The following ALLC variants were observed in gnomAD, a reference collection of about 807,000 sequenced individuals.
ALLC encodes probable inactive allantoicase.
Under a neutral mutation model 45.0 loss-of-function variants are expected in ALLC, and 40 were observed. The observed-to-expected ratio is 0.89, with a 90% CI of 0.69 to 1.16. ALLC has a LOEUF of 1.16. ALLC is among the 50% of genes most tolerant of loss of function. The probability of loss-of-function intolerance (pLI) is 0.00; values close to 1 mark genes in which losing one functional copy is unlikely to be tolerated. For missense variants in ALLC, 488 were observed against 493.1 expected (o/e 0.99, Z 0.10); for synonymous variants, 176 against 178.1 (o/e 0.99, Z 0.09).
chr2:3,667,507 T>C (rs190850674), intron 1 of ALLC, among the ~76,000 whole-genome samples: 2 of 152,370 alleles, frequency 1.3e-5, no homozygotes, highest in African/African-American at 4.8e-5. Context: ...GTTGGCCATA[T>C]GGTTCACTTT....
intron 1 of ALLC, among the ~76,000 whole-genome samples, chr2:3,660,610 G>A (rs1316217744): frequency 6.6e-6 from 1 of 151,988 alleles, no homozygotes; most frequent in African/African-American, 2.4e-5. Flanking sequence ...GAGCAATGGC[G>A]CACACCTGGA....
chr2:3,651,753 A>AG, the ALLC span, among the ~76,000 whole-genome samples: 2 of 152,020 alleles, frequency 1.3e-5, no homozygotes, highest in Admixed American at 1.3e-4. Context: ...GCGTTTCTTC[A>AG]GGGGCAGGAC....
At chr2:3,692,806 A>T (rs1667558127) in intron 7 of ALLC, among the ~76,000 whole-genome samples, 1 of 152,130 alleles carries the variant, frequency 6.6e-6, no homozygotes, top group Non-Finnish European at 1.5e-5. Context: ...CTCAGTGTGA[A>T]GCCTCCACCT....
chr2:3,658,200 A>G lies in ALLC; in HGVS notation c.-157A>G, dbSNP rs1666485396. On this transcript the variant is annotated 5_prime_UTR_variant, in exon 1 of 12. Coordinates refer to ENST00000252505, the MANE Select transcript of ALLC (RefSeq NM_018436.4). Reference sequence around the variant, plus strand: ...CTGTCTCTACCTCAGGCCCCTATACATTCTCTCTGAGCTGGCACTCAAGCA... The same window carrying G: ...CTGTCTCTACCTCAGGCCCCTATACGTTCTCTCTGAGCTGGCACTCAAGCA... The G allele has an allele frequency of 6.6e-6, 1 of 152,246 alleles. No homozygotes were observed. Among genetic ancestry groups the G allele is most frequent in the Non-Finnish European group, 1.5e-5 (1 of 68,084 alleles). 9.4% of individuals were successfully genotyped at this position (152,246 alleles called of 1,614,324 possible). A position where few individuals can be genotyped will look rare whatever the true frequency, so the allele number is the denominator to read the frequency against.
chr2:3,650,229 G>A, the ALLC span, among the ~76,000 whole-genome samples: 1 of 152,218 alleles, frequency 6.6e-6, no homozygotes, highest in Non-Finnish European at 1.5e-5. Context: ...CACTCTCTGG[G>A]TTCTGGGGTT....
At chr2:3,648,044 G>A in the ALLC span, among the ~76,000 whole-genome samples, 1 of 152,026 alleles carries the variant, frequency 6.6e-6, no homozygotes, top group South Asian at 2.1e-4. Context: ...CAGGTGTGGG[G>A]CAATGGGCAG....
intron 7 of ALLC, among the ~76,000 whole-genome samples, chr2:3,690,459 C>T (rs1667483904): frequency 1.1e-5 from 1 of 88,798 alleles, no homozygotes; most frequent in South Asian, 5.5e-4. Context: ...CCCCTCCCCT[C>T]CCTTTCCTTT....
chr2:3,649,431 C>T, the ALLC span, among the ~76,000 whole-genome samples: 4 of 152,174 alleles, frequency 2.6e-5, no homozygotes, highest in South Asian at 8.3e-4. Context: ...TTAGTAGAGA[C>T]GGGGTTTCAC....
At chr2:3,669,110 G>T (rs545729314) in intron 1 of ALLC, among the ~76,000 whole-genome samples, 1 of 151,908 alleles carries the variant, frequency 6.6e-6, no homozygotes, top group Admixed American at 6.6e-5. Context: ...GCCAAGGAGG[G>T]TGGATCACCT....
At position 3,658,470 on chromosome 2, in the gene ALLC, C is replaced by T. The variant is rs6746944; in HGVS notation, c.-63+176C>T. Among the ~76,000 whole-genome samples, 4,559 of 152,178 alleles carry T rather than the reference C, an allele frequency of 0.03. 242 individuals carry two copies. The highest frequency in any genetic ancestry group is 0.1 in the African/African-American group (4,328 of 41,498). On this transcript the variant is annotated intron_variant, in intron 1 of 11. Coordinates refer to ENST00000252505, the MANE Select transcript of ALLC (RefSeq NM_018436.4). ...GCCGTTGAACTGTGTTGGTACCGGG[C>T]GTGGCCCAAACACCTGGAGGGGCCC...
chr2:3,651,436 TGTGTGTTA>T, the ALLC span, among the ~76,000 whole-genome samples: 21 of 56,882 alleles, frequency 3.7e-4, 2 homozygotes, highest in African/African-American at 9.1e-4. Flanking sequence ...TGTGTGTGTG[TGTGTGTTA>T]GGAAGGGAGA....
intron 7 of ALLC, 93 bp downstream of exon 7, chr2:3,683,167 T>C: frequency 7.4e-7 from 1 of 1,353,774 alleles, no homozygotes; most frequent in East Asian, 2.3e-5. Context: ...TCTTTCCTTC[T>C]TGGTAATTGA....
intron 3 of ALLC, 77 bp from the exon 4 acceptor site, chr2:3,678,390 TG>T (rs1667080873): frequency 1.6e-6 from 2 of 1,260,284 alleles, no homozygotes; most frequent in Non-Finnish European, 2.3e-6. Flanking sequence ...TCTGGCACTG[TG>T]GGACAGAAGT....
At position 3,679,987 on chromosome 2, in the gene ALLC, G is replaced by C. The variant is rs1667134282; in HGVS notation, c.291G>C (p.Leu97Phe). The C allele has an allele frequency of 6.2e-7, 1 of 1,613,840 alleles. No individual in the cohort carries two copies. Among genetic ancestry groups the C allele is most frequent in the Non-Finnish European group, 8.5e-7 (1 of 1,179,840 alleles). ...GAGTGTCCATTCAAGCAGCAAACTTGGAAGAAGGTGCGTTAGGAACCACTG... is the reference window on the plus strand; with the variant it reads ...GAGTGTCCATTCAAGCAGCAAACTTCGAAGAAGGTGCGTTAGGAACCACTG... ...APRVSIQAAN[L>F]EEDKLPEIPE... Residue 97 changes from leucine (L) to phenylalanine (F), a missense_variant, in exon 5 of 12, where the codon TTG becomes TTC. By Grantham distance (22) the Leu-to-Phe change is conservative. Transcript: ENST00000252505.
chr2:3,701,189 C>A (rs1457572473), intron 10 of ALLC, among the ~76,000 whole-genome samples: 1 of 152,200 alleles, frequency 6.6e-6, no homozygotes, highest in African/African-American at 2.4e-5. Flanking sequence ...GTAATTAAAT[C>A]TGCAATTGAG....
At position 3,702,482 on chromosome 2, in the gene ALLC, C is replaced by T; in HGVS notation, c.1095C>T (p.Gly365=). 6.2e-7 allele frequency: 1 copy of T among 1,612,172 alleles called. No individual in the cohort carries two copies. The highest frequency in any genetic ancestry group is 1.1e-5 in the South Asian group (1 of 90,898). The change falls in exon 12 of 12, where the codon GGC becomes GGT. Residue 365 remains glycine (G), a synonymous_variant. Transcript: ENST00000252505. ...GAGTGAGCCGCCTTCGGCTCCGGGG[C>T]TTCCCCAGCTCCATCTGCCTCCTGA... ...DGGVSRLRLR[G]FPSSICLLRP...
At chr2:3,665,709 A>C (rs1351570382) in intron 1 of ALLC, among the ~76,000 whole-genome samples, 1 of 152,208 alleles carries the variant, frequency 6.6e-6, no homozygotes, top group Non-Finnish European at 1.5e-5. Flanking sequence ...TATCCAGTCT[A>C]TCATTGATGG....
At chr2:3,654,667 C>T (rs1161493011), upstream of ALLC, among the ~76,000 whole-genome samples, 2 of 152,230 alleles carry the variant, frequency 1.3e-5, no homozygotes, top group African/African-American at 2.4e-5. Flanking sequence ...ACAGTCAGTG[C>T]GTGTGACTCT....
chr2:3,702,218 G>A, intron 11 of ALLC, 145 bp from the exon 12 acceptor site: 1 of 638,202 alleles, frequency 1.6e-6, no homozygotes, highest in Middle Eastern at 2.9e-4. Flanking sequence ...AGATTTTCAT[G>A]GAAAGCCCAA....
Sources: allele counts gnomAD v4.1 joint callset (sites outside exome capture counted in the v4.1 genomes callset), GRCh38; gene constraint gnomAD v4.1.1; transcripts MANE v1.5; gene names NCBI Gene and HGNC (gene_info 2026-07-23, HGNC 2026-07-21).